The following MUC4 variants were observed in gnomAD, a reference collection of about 807,000 sequenced individuals.
MUC4 encodes mucin-4.
Under a neutral mutation model 257.9 loss-of-function variants are expected in MUC4, and 202 were observed. The ratio of observed to expected loss-of-function variants is 0.78; its 90% confidence interval spans 0.70 to 0.88. The LOEUF is 0.88. MUC4 is among the 40% of genes least tolerant of loss of function. The pLI is 0.00. For synonymous variants in MUC4, 2,351 were observed against 2,757.1 expected, an observed-to-expected ratio of 0.85 and a Z score of 4.62; for missense variants, 5,976 against 6,513.7, an observed-to-expected ratio of 0.92 and a Z score of 2.84.
At chr3:195,775,952 A>T (rs1205681275) in intron 3 of MUC4, among the ~76,000 whole-genome samples, 22 of 70,002 alleles carry the variant, frequency 3.1e-4, no homozygotes, top group Admixed American at 4.9e-4. Flanking sequence ...TTCCACACCC[A>T]TACCTTCCAC....
chr3:195,753,245 G>A lies in MUC4; in HGVS notation c.15329-15C>T, dbSNP rs1716833547. 1 of 1,612,972 alleles carries A rather than the reference G, an allele frequency of 6.2e-7. No individual in the cohort carries two copies. Among genetic ancestry groups the A allele is most frequent in the Non-Finnish European group, 8.5e-7 (1 of 1,179,316 alleles). On this transcript the variant is annotated splice_polypyrimidine_tract_variant and intron_variant, in intron 19 of 24. Transcript: ENST00000463781. ...GCTCCCCAGAGCTGCAGAGTGAGTA[G>A]GGAGGTCAGCAGCAGCGCGCAGGGC... is the stretch of plus-strand genomic sequence containing the variant.
rs148679127 is a variant in MUC4 at position 195,779,073 on chromosome 3, C to T, written c.12507G>A (p.Val4169=). The T allele has an allele frequency of 5.1e-3, 2,659 of 522,674 alleles. 204 individuals carry two copies. Among genetic ancestry groups the T allele is most frequent in the African/African-American group, 0.032 (408 of 12,614 alleles). The allele number at this position is 522,674 out of a possible 1,614,324, so 32.4% of individuals were successfully genotyped here. ...GAAGAGGGGTGCCGTGACCTGTGGACACTGAGGAAGCGTCGGTGACAGGAA... is the reference window on the plus strand; with the variant it reads ...GAAGAGGGGTGCCGTGACCTGTGGATACTGAGGAAGCGTCGGTGACAGGAA... ...TSLPVTDASS[V]STGHGTPLPV... is the part of the protein sequence containing the mutation. Residue 4169 remains valine (V), a synonymous_variant, in exon 2 of 25, where the codon GTG becomes GTA. Transcript: ENST00000463781.
chr3:195,769,033 C>A lies in MUC4; in HGVS notation c.13518G>T (p.Met4506Ile). 1 of 1,613,598 alleles carries A rather than the reference C, an allele frequency of 6.2e-7. No homozygotes were observed. The highest frequency in any genetic ancestry group is 1.1e-5 in the South Asian group (1 of 91,068). Residue 4506 changes from methionine (M) to isoleucine (I), a missense_variant, in exon 7 of 25, where the codon ATG (methionine) becomes ATT (isoleucine). By Grantham distance (10) the Met-to-Ile change is conservative. Around this residue, in one of 44 missense-constraint regions of MUC4, gnomAD observed 996 missense variants for 1,137.3 expected, o/e 0.88. Coordinates refer to ENST00000463781, the MANE Select transcript of MUC4 (RefSeq NM_018406.7). The part of the protein sequence containing the change: ...VAQRSGNPVL[M>I]GFSSGDGYFE... ...CCCTCCCATCCTACCTAGAGAAGCC[C>A]ATGAGCACCGGGTTGCCTGAGCGCT...
rs1560392547 is a variant in MUC4, at chr3:195,788,515, GTGTGA to G, written c.3060_3064del (p.Thr1022ProfsTer30). The stretch of plus-strand genomic sequence containing the variant: ...AGTGTCGGTGACAGGAAGAGGGGTG[GTGTGA>G]CCTGTGGATACTGAGGAAGGGCTGG... On this transcript the variant is annotated frameshift_variant, in exon 2 of 25. Coordinates refer to ENST00000463781, the MANE Select transcript of MUC4 (RefSeq NM_018406.7). LOFTEE classifies it high-confidence loss of function. 8 of 1,489,652 alleles carry G rather than the reference GTGTGA, an allele frequency of 5.4e-6. No individual in the cohort carries two copies. Among genetic ancestry groups the G allele is most frequent in the African/African-American group, 5.4e-5 (3 of 56,036 alleles). 92.3% of individuals were successfully genotyped at this position (1,489,652 alleles called of 1,614,324 possible).
chr3:195,802,531 C>G (rs775613389), intron 1 of MUC4, among the ~76,000 whole-genome samples: 9 of 151,562 alleles, frequency 5.9e-5, no homozygotes, highest in Non-Finnish European at 1.0e-4. Flanking sequence ...TCTGGTAGGT[C>G]CTGGGGTCAC....
chr3:195,749,382 G>A (rs1444226634), intron 23 of MUC4, among the ~76,000 whole-genome samples: 2 of 152,214 alleles, frequency 1.3e-5, no homozygotes, highest in Admixed American at 1.3e-4. Context: ...TTCCTGAAGA[G>A]CACATGCTTT....
Position 195,789,149 on chromosome 3 carries a change from T to C in MUC4, c.2431A>G (p.Ser811Gly), listed in dbSNP as rs1249515711. ...TCGCTTCCTGAAGGTGTTGTGCCACTCGCCCCGGATGAGGAAGGGGTAGCT... is the reference window on the plus strand; with the variant it reads ...TCGCTTCCTGAAGGTGTTGTGCCACCCGCCCCGGATGAGGAAGGGGTAGCT... Reference protein sequence around the residue: ...GTATPSSSGASGTTPSGSEGI... With the variant: ...GTATPSSSGAGGTTPSGSEGI... The change falls in exon 2 of 25, where the codon AGT (serine) becomes GGT (glycine). Residue 811 changes from serine to glycine, a missense_variant. Coordinates refer to ENST00000463781, the MANE Select transcript of MUC4 (RefSeq NM_018406.7). The C allele has an allele frequency of 1.2e-6, 2 of 1,613,658 alleles. No individual in the cohort carries two copies. The highest frequency in any genetic ancestry group is 8.5e-7 in the Non-Finnish European group (1 of 1,179,856).
chr3:195,810,496 C>T lies in MUC4; in HGVS notation c.82+1240G>A, dbSNP rs1578513044. Reference sequence around the variant, plus strand: ...AAGAGGACGGGGGCCCCCGAGGGAACATCTCCCACAGGCCTGGCATCCCTC... The same window carrying T: ...AAGAGGACGGGGGCCCCCGAGGGAATATCTCCCACAGGCCTGGCATCCCTC... On this transcript the variant is annotated intron_variant, in intron 1 of 24. Transcript: ENST00000463781. The surrounding 1 kb of genome is among the most constrained non-coding windows in gnomAD (Gnocchi z 4.2). Among the ~76,000 whole-genome samples, 1 of 152,334 alleles carries T rather than the reference C, an allele frequency of 6.6e-6. No homozygotes were observed. The highest frequency in any genetic ancestry group is 2.4e-5 in the African/African-American group (1 of 41,582).
At chr3:195,796,568 G>A (rs560904790) in intron 1 of MUC4, among the ~76,000 whole-genome samples, 1 of 152,178 alleles carries the variant, frequency 6.6e-6, no homozygotes, top group East Asian at 2.0e-4. Context: ...GCAGGCGCCT[G>A]TAGTCCCAGC....
rs775801273 is a variant in MUC4, at chr3:195,781,468, G to A, written c.10112C>T (p.Thr3371Ile). The A allele has an allele frequency of 8.4e-6, 13 of 1,542,630 alleles. No individual in the cohort carries two copies. Among genetic ancestry groups the A allele is most frequent in the South Asian group, 4.8e-5 (4 of 83,892 alleles). ...GACAGGAAGACGGGTGGTGTCACCTGTGGAAGCTGAGGAAAGGCCGGTGAC... is the reference window on the plus strand; with the variant it reads ...GACAGGAAGACGGGTGGTGTCACCTATGGAAGCTGAGGAAAGGCCGGTGAC... Reference protein sequence around the residue: ...LPVTGLSSASTGDTTRLPVTD... With the variant: ...LPVTGLSSASIGDTTRLPVTD... The change falls in exon 2 of 25, where the codon ACA becomes ATA. Residue 3371 changes from threonine (T) to isoleucine (I), a missense_variant. Physicochemically the swap from Thr to Ile is moderately conservative, Grantham distance 89. This residue lies in a region of MUC4 where 297 missense variants were observed against 240.9 expected (regional missense o/e 1.23). Transcript: ENST00000463781.
intron 1 of MUC4, among the ~76,000 whole-genome samples, chr3:195,794,687 A>T (rs927105424): frequency 6.6e-6 from 1 of 152,010 alleles, no homozygotes; most frequent in Admixed American, 6.6e-5. Flanking sequence ...GTGCTCCTAG[A>T]TAGTTGGCAA....
At position 195,781,572 on chromosome 3, in the gene MUC4, T is replaced by A. The variant is rs549411987; in HGVS notation, c.10008A>T (p.Ser3336=). 981 of 705,682 alleles carry A rather than the reference T, an allele frequency of 1.4e-3. 3 individuals are homozygous for A. The African/African-American group carries it at 0.018, about 13-fold the overall frequency. The allele number at this position is 705,682 out of a possible 1,614,324, so 43.7% of individuals were successfully genotyped here. A position where few individuals can be genotyped will look rare whatever the true frequency, so the allele number is the denominator to read the frequency against. Residue 3336 remains serine, a synonymous_variant, in exon 2 of 25, where the codon TCA becomes TCT. Transcript: ENST00000463781. ...ATPLHVTSPS[S]ASTGDTTPVP... ...CAGGGGTGGTGTCACCTGTGGATGC[T>A]GAGGAAGGGCTGGTGACATGAAGAG...
chr3:195,753,544 G>A (rs557471407), intron 19 of MUC4: 37 of 447,682 alleles, frequency 8.3e-5, no homozygotes, highest in South Asian at 1.7e-4. Flanking sequence ...CCCCTCTCAC[G>A]TCCATCTCCT....
At position 195,765,299 on chromosome 3, in the gene MUC4, C is replaced by G. The variant is rs749279931; in HGVS notation, c.13769G>C (p.Arg4590Pro). 1 of 1,613,252 alleles carries G rather than the reference C, an allele frequency of 6.2e-7. No individual in the cohort carries two copies. Among genetic ancestry groups the G allele is most frequent in the Non-Finnish European group, 8.5e-7 (1 of 1,179,778 alleles). Reference protein sequence around the residue: ...SCPCSWQQGRRDLRFQPVSIG... With the variant: ...SCPCSWQQGRPDLRFQPVSIG... ...GCTGACGGGTTGGAATCGTAAGTCCCGTCGTCCCTGCTGCCAGGAACAAGG... is the reference window on the plus strand; with the variant it reads ...GCTGACGGGTTGGAATCGTAAGTCCGGTCGTCCCTGCTGCCAGGAACAAGG... Residue 4590 changes from arginine to proline, a missense_variant, in exon 9 of 25, where the codon CGG (arginine) becomes CCG (proline). Physicochemically the swap from Arg to Pro is moderately radical, Grantham distance 103. Transcript: ENST00000463781.
At chr3:195,760,656 G>A (rs1414454067) in intron 16 of MUC4, among the ~76,000 whole-genome samples, 2 of 136,318 alleles carry the variant, frequency 1.5e-5, no homozygotes, top group African/African-American at 3.7e-5. Flanking sequence ...GGGCTGGGAA[G>A]GCGTCCAGCA....
rs371274391 is a variant in MUC4 at position 195,783,636 on chromosome 3, T to G, written c.7944A>C (p.Ser2648=). The stretch of plus-strand genomic sequence containing the variant: ...GAGGGGTGGCCTGACCTGTGGATGC[T>G]GAGGAAGCGTCGGTGACAAGAAGAG... ...ATPLLVTDAS[S]ASTGQATPLP... The change falls in exon 2 of 25, where the codon TCA becomes TCC. Residue 2648 remains serine, a synonymous_variant. Transcript: ENST00000463781. 4.1e-5 allele frequency: 15 copies of G among 369,322 alleles called. 2 individuals are homozygous for G. The East Asian group carries it at 5.4e-4, about 13-fold the overall frequency. The allele number at this position is 369,322 out of a possible 1,614,324, so 22.9% of individuals were successfully genotyped here.
rs767122726 is a variant in MUC4 at position 195,790,064 on chromosome 3, G to A, written c.1516C>T (p.Pro506Ser). The stretch of plus-strand genomic sequence containing the variant: ...GTGGCAGCACCTGTTGATGTTGAGG[G>A]CAGTTCTGTTTGTGACCAAGTTGTG... The part of the protein sequence containing the change: ...GHTTWSQTEL[P>S]STSTGAATRL... Residue 506 changes from proline to serine, a missense_variant, in exon 2 of 25, where the codon CCC (proline) becomes TCC (serine). Physicochemically the swap from Pro to Ser is moderately conservative, Grantham distance 74. Transcript: ENST00000463781. 6.2e-7 allele frequency: 1 copy of A among 1,613,914 alleles called. No homozygotes were observed. Among genetic ancestry groups the A allele is most frequent in the Non-Finnish European group, 8.5e-7 (1 of 1,179,888 alleles).
At chr3:195,763,404 C>T (rs756949273) in intron 12 of MUC4, 29 bp downstream of exon 12, 3 of 1,403,260 alleles carry the variant, frequency 2.1e-6, no homozygotes, top group Admixed American at 6.5e-5. Flanking sequence ...GGGTGGAATG[C>T]AGGGAGGTTC....
Position 195,753,172 on chromosome 3 carries a change from A to G in MUC4, c.15387T>C (p.Asn5129=), listed in dbSNP as rs1009916973. The change falls in exon 20 of 25, where the codon AAT becomes AAC. Residue 5129 remains asparagine, a synonymous_variant. Coordinates refer to ENST00000463781, the MANE Select transcript of MUC4 (RefSeq NM_018406.7). ...TCTGGGAGATGTAGCAGTGGCCTTG[A>G]TTGTAGCAGTAATTCACAGGGCAGG... ...NQSCPVNYCY[N]QGHCYISQTL... The G allele has an allele frequency of 1.9e-6, 3 of 1,613,680 alleles. No homozygotes were observed. The highest frequency in any genetic ancestry group is 2.5e-6 in the Non-Finnish European group (3 of 1,179,860).
Sources: gnomAD v4.1 joint callset for allele counts (sites outside exome capture counted in the v4.1 genomes callset) on GRCh38, gnomAD v4.1.1 for gene constraint, gnomAD v4.1.1 regional missense constraint, Gnocchi (gnomAD v3.1) non-coding constraint, MANE v1.5 for transcripts, NCBI Gene and HGNC (gene_info 2026-07-23, HGNC 2026-07-21) for gene names.